Variants in SKI observed in about 807,000 individuals in gnomAD.
SKI encodes the protein ski oncogene.
In SKI, 23 loss-of-function variants were observed where a neutral mutation model predicts 59.3. The observed-to-expected ratio is 0.39, with a 90% CI of 0.28 to 0.55. The LOEUF (loss-of-function observed/expected upper bound fraction) is 0.55, where lower values mean the gene tolerates loss of function less well. SKI is among the 20% of genes least tolerant of loss of function. The probability of loss-of-function intolerance (pLI) is 0.67; values close to 1 mark genes in which losing one functional copy is unlikely to be tolerated. For missense variants in SKI, 1,017 were observed against 1,038.9 expected (o/e 0.98, Z 0.29); for synonymous variants, 673 against 488.6 (o/e 1.38, Z -4.98).
intron 1 of SKI, among the ~76,000 whole-genome samples, chr1:2,285,888 T>A (rs917017569): frequency 2.7e-5 from 4 of 149,552 alleles, no homozygotes; most frequent in African/African-American, 9.9e-5. Context: ...TTTTTTTTTT[T>A]TTTGAAACGG....
At chr1:2,241,604 A>G (rs897663119) in intron 1 of SKI, among the ~76,000 whole-genome samples, 2 of 152,012 alleles carry the variant, frequency 1.3e-5, no homozygotes, top group Non-Finnish European at 2.9e-5. Flanking sequence ...CGTTTTAGCC[A>G]GGATGGTCTC....
In SKI at chr1:2,304,401, C is replaced by T; in HGVS notation, c.1583C>T (p.Ala528Val). The change falls in exon 5 of 7, where the codon GCT becomes GTT. Residue 528 changes from alanine (A) to valine (V), a missense_variant. Ala to Val is a moderately conservative substitution (Grantham distance 64, BLOSUM62 0). Coordinates refer to ENST00000378536, the MANE Select transcript of SKI (RefSeq NM_003036.4). ...GCCCTGCCCTCGGCCGTCCCTGATG[C>T]TGCGGCCCCTGCCGACGCCCCCAGT... ...ARALPSAVPDAAAPADAPSGL... is the reference protein window; with the variant it reads ...ARALPSAVPDVAAPADAPSGL... The T allele has an allele frequency of 6.4e-7, 1 of 1,552,542 alleles. No individual in the cohort carries two copies. Among genetic ancestry groups the T allele is most frequent in the South Asian group, 1.2e-5 (1 of 84,240 alleles).
intron 1 of SKI, among the ~76,000 whole-genome samples, chr1:2,261,134 A>T (rs1475409649): frequency 1.3e-5 from 2 of 152,114 alleles, no homozygotes; most frequent in Non-Finnish European, 2.9e-5. Flanking sequence ...TATTCAGTTG[A>T]TCCACTTGTT....
chr1:2,269,394 C>T lies in SKI; in HGVS notation c.970-33584C>T, dbSNP rs1251566147. Among the ~76,000 whole-genome samples the T allele has an allele frequency of 6.6e-6, 1 of 152,244 alleles. No homozygotes were observed. The highest frequency in any genetic ancestry group is 1.5e-5 in the Non-Finnish European group (1 of 68,052). On this transcript the variant is annotated intron_variant, in intron 1 of 6. Transcript: ENST00000378536. The surrounding 1 kb of genome is among the most constrained non-coding windows in gnomAD (Gnocchi z 4.7). ...AGCTTTGACGGAAGTGGCCACACTG[C>T]AGGCCCCCACAGCGTCACTAGTAGG...
At position 2,268,275 on chromosome 1, in the gene SKI, G is replaced by A. The variant is rs1639541794; in HGVS notation, c.970-34703G>A. ...TCTTGCCCCTCCAGTGCCTCCCAGG[G>A]GGCTGTGTAGCCAGGTGTCTCAGAG... On this transcript the variant is annotated intron_variant, in intron 1 of 6. Coordinates refer to ENST00000378536, the MANE Select transcript of SKI (RefSeq NM_003036.4). This position sits in a 1 kb window ranked among gnomAD's most constrained non-coding sequence, Gnocchi z 5.0. Among the ~76,000 whole-genome samples the A allele has an allele frequency of 6.6e-6, 1 of 152,150 alleles. No individual in the cohort carries two copies. The highest frequency in any genetic ancestry group is 2.4e-5 in the African/African-American group (1 of 41,428).
chr1:2,273,946 C>T (rs1006188237), intron 1 of SKI, among the ~76,000 whole-genome samples: 3 of 152,152 alleles, frequency 2.0e-5, no homozygotes, highest in African/African-American at 7.2e-5. Flanking sequence ...CGGCATCTCC[C>T]TGACCGGCAG....
intron 1 of SKI, among the ~76,000 whole-genome samples, chr1:2,286,825 T>G (rs61065210): frequency 0.12 from 18,687 of 152,204 alleles, 1,281 homozygotes; most frequent in African/African-American, 0.18. Context: ...TGGACGCTCT[T>G]TACACGGGCT....
At position 2,229,413 on chromosome 1, in the gene SKI, G is replaced by A. The variant is rs1399726894; in HGVS notation, c.647G>A (p.Arg216His). The change falls in exon 1 of 7, where the codon CGC becomes CAC. Residue 216 changes from arginine to histidine, a missense_variant. Coordinates refer to ENST00000378536, the MANE Select transcript of SKI (RefSeq NM_003036.4). This position sits in a 1 kb window ranked among gnomAD's most constrained non-coding sequence, Gnocchi z 6.3. ...GCGCTGGGCCTGGAGCTCAGCGAGC[G>A]CAGCGTCCGCGTGTACCACGAGTGC... ...SLALGLELSE[R>H]SVRVYHECFG... 1.9e-6 allele frequency: 3 copies of A among 1,610,148 alleles called. No homozygotes were observed. Among genetic ancestry groups the A allele is most frequent in the African/African-American group, 1.3e-5 (1 of 74,866 alleles).
rs12076739 is a variant in SKI, at chr1:2,251,481, A to G, written c.969+21746A>G. Reference sequence around the variant, plus strand: ...GCCGGCAGGGTTTTCCCAGCTCTCAAGCGCCCTCACGTCCCACCACAGTGA... The same window carrying G: ...GCCGGCAGGGTTTTCCCAGCTCTCAGGCGCCCTCACGTCCCACCACAGTGA... On this transcript the variant is annotated intron_variant, in intron 1 of 6. Coordinates refer to ENST00000378536, the MANE Select transcript of SKI (RefSeq NM_003036.4). Among the ~76,000 whole-genome samples, 784 of 152,132 alleles carry G rather than the reference A, an allele frequency of 5.2e-3. 10 individuals are homozygous for G. Among genetic ancestry groups the G allele is most frequent in the African/African-American group, 0.018 (751 of 41,506 alleles).
chr1:2,248,878 T>TA (rs941059623), intron 1 of SKI, among the ~76,000 whole-genome samples: 1 of 152,220 alleles, frequency 6.6e-6, no homozygotes, highest in African/African-American at 2.4e-5. Context: ...TGGGCCACGT[T>TA]ACTTTTCTAG....
At chr1:2,238,598 G>T (rs948806168) in intron 1 of SKI, among the ~76,000 whole-genome samples, 1 of 152,248 alleles carries the variant, frequency 6.6e-6, no homozygotes, top group Admixed American at 6.5e-5. Context: ...GAGGGTGAGC[G>T]TGGGGTCTGG....
chr1:2,266,525 T>C (rs1479623946), intron 1 of SKI, among the ~76,000 whole-genome samples: 3 of 152,196 alleles, frequency 2.0e-5, no homozygotes, highest in Non-Finnish European at 2.9e-5. Context: ...CCAGAGGGCT[T>C]GGCTCCACTT....
chr1:2,243,431 G>A (rs986531487), intron 1 of SKI, among the ~76,000 whole-genome samples: 2 of 152,218 alleles, frequency 1.3e-5, no homozygotes, highest in African/African-American at 4.8e-5. Context: ...TGTTGCAGGA[G>A]CTCCTGTCAG....
intron 1 of SKI, among the ~76,000 whole-genome samples, chr1:2,251,601 C>T (rs776576832): frequency 2.0e-5 from 3 of 152,156 alleles, no homozygotes; most frequent in African/African-American, 4.8e-5. Context: ...CCTGTAGAGC[C>T]CTCGCCTGTG....
intron 1 of SKI, among the ~76,000 whole-genome samples, chr1:2,272,203 G>C (rs180922774): frequency 4.6e-5 from 7 of 152,374 alleles, no homozygotes; most frequent in South Asian, 2.1e-4. Context: ...GAGCTTCCAC[G>C]AGGGCCGGCC....
chr1:2,301,098 A>G lies in SKI; in HGVS notation c.970-1880A>G, dbSNP rs115679718. Among the ~76,000 whole-genome samples the G allele has an allele frequency of 3.3e-3, 504 of 152,158 alleles. 2 individuals carry two copies. Among genetic ancestry groups the G allele is most frequent in the African/African-American group, 0.011 (477 of 41,512 alleles). ...TGAGCCGAATTTCCGCGCCCGCTTC[A>G]GTGGCTGCTTAGACAGGAAGCTCCA... On this transcript the variant is annotated intron_variant, in intron 1 of 6. Coordinates refer to ENST00000378536, the MANE Select transcript of SKI (RefSeq NM_003036.4).
intron 1 of SKI, among the ~76,000 whole-genome samples, chr1:2,230,920 C>T (rs1197868108): frequency 6.6e-6 from 1 of 152,022 alleles, no homozygotes; most frequent in Non-Finnish European, 1.5e-5. Flanking sequence ...TGGATGGAAG[C>T]GAGGGACTGT....
intron 1 of SKI, among the ~76,000 whole-genome samples, chr1:2,245,296 T>C (rs556337759): frequency 2.6e-5 from 4 of 152,126 alleles, no homozygotes; most frequent in Admixed American, 1.3e-4. Flanking sequence ...CGCAGGCTGC[T>C]GTATGGATGT....
In SKI at chr1:2,303,091, C is replaced by T; in HGVS notation, c.1083C>T (p.Gly361=). The T allele has an allele frequency of 1.2e-6, 2 of 1,613,390 alleles. No individual in the cohort carries two copies. The highest frequency in any genetic ancestry group is 1.7e-6 in the Non-Finnish European group (2 of 1,180,020). The change falls in exon 2 of 7, where the codon GGC becomes GGT. Residue 361 remains glycine, a synonymous_variant. Coordinates refer to ENST00000378536, the MANE Select transcript of SKI (RefSeq NM_003036.4). This position sits in a 1 kb window ranked among gnomAD's most constrained non-coding sequence, Gnocchi z 5.6. ...KPSSWLRTLA[G]SSNKSLGCVH... Reference sequence around the variant, plus strand: ...CCAGCTGGCTGCGGACCTTGGCCGGCTCTTCCAATAAGGTGCTGTGGGGCC... The same window carrying T: ...CCAGCTGGCTGCGGACCTTGGCCGGTTCTTCCAATAAGGTGCTGTGGGGCC...
Sources: gnomAD v4.1 joint callset for allele counts (sites outside exome capture counted in the v4.1 genomes callset) on GRCh38, gnomAD v4.1.1 for gene constraint, Gnocchi (gnomAD v3.1) non-coding constraint, MANE v1.5 for transcripts, NCBI Gene and HGNC (gene_info 2026-07-23, HGNC 2026-07-21) for gene names.